Variants in HNRNPK observed in about 807,000 individuals in gnomAD.
The protein encoded by HNRNPK is dC-stretch binding protein.
HNRNPK carries 7 observed loss-of-function variants against 67.0 expected under a neutral mutation model. The observed-to-expected ratio is 0.10, with a 90% CI of 0.06 to 0.20. HNRNPK has a LOEUF of 0.20. Among genes scored for constraint, HNRNPK ranks in the 10% least tolerant of loss-of-function variants. The pLI is 1.00. For synonymous variants in HNRNPK, 213 were observed against 193.7 expected (o/e 1.10, Z -0.83); for missense variants, 264 against 606.5 (o/e 0.44, Z 5.93).
intron 8 of HNRNPK, 88 bp from the exon 9 acceptor site, chr9:83,973,487 T>C: frequency 2.6e-6 from 2 of 779,486 alleles, no homozygotes; most frequent in Non-Finnish European, 4.5e-6. Flanking sequence ...AATAATATAC[T>C]GTTGCAGTGA....
rs375311945 is a variant in HNRNPK at position 83,971,957 on chromosome 9, G to A, written c.878C>T (p.Pro293Leu). ...ACCACCCCGGCCGCCTCGTCCGGGA[G>A]GAGGGGGAGGTGGTCCTCGACGAGG... Reference protein sequence around the residue: ...MSPRRGPPPPPPGRGGRGGSR... With the variant: ...MSPRRGPPPPLPGRGGRGGSR... The change falls in exon 11 of 17, where the codon CCT becomes CTT. Residue 293 changes from proline (P) to leucine (L), a missense_variant. Coordinates refer to ENST00000376263, the MANE Select transcript of HNRNPK (RefSeq NM_031263.4). 1 of 1,602,774 alleles carries A rather than the reference G, an allele frequency of 6.2e-7. No homozygotes were observed. Among genetic ancestry groups the A allele is most frequent in the Non-Finnish European group, 8.5e-7 (1 of 1,171,628 alleles).
At chr9:83,977,831 C>A in intron 3 of HNRNPK, 45 bp from the exon 4 acceptor site, 1 of 1,162,432 alleles carries the variant, frequency 8.6e-7, no homozygotes, top group Non-Finnish European at 1.3e-6. Flanking sequence ...GCGAAGTCTC[C>A]AAAGTAACTC....
At chr9:83,979,220 G>A (rs1017775893) in intron 1 of HNRNPK, among the ~76,000 whole-genome samples, 6 of 152,188 alleles carry the variant, frequency 3.9e-5, no homozygotes, top group Non-Finnish European at 8.8e-5. Context: ...AGGTTGGCTA[G>A]ACAGCAAAGA....
chr9:83,970,515 T>TA, intron 15 of HNRNPK, 184 bp from the exon 16 acceptor site: 1 of 650,600 alleles, frequency 1.5e-6, no homozygotes. Context: ...ATGTTTCCCT[T>TA]AGTTAGTTAA....
chr9:83,977,677 T>TAA lies in HNRNPK; in HGVS notation c.156+10_156+11dup. The TAA allele has an allele frequency of 2.0e-6, 3 of 1,533,342 alleles. No homozygotes were observed. Among genetic ancestry groups the TAA allele is most frequent in the Non-Finnish European group, 2.7e-6 (3 of 1,115,316 alleles). The allele number at this position is 1,533,342 out of a possible 1,614,324, so 95.0% of individuals were successfully genotyped here. On this transcript the variant is annotated intron_variant, in intron 4 of 16. Transcript: ENST00000376263. ...TGAACCACCTTCAAATTTTCAAGAA[T>TAA]AAAATTTATACCTTGCTCTGAAGCA...
chr9:83,971,447 C>G, intron 12 of HNRNPK, 91 bp from the exon 13 acceptor site: 1 of 945,428 alleles, frequency 1.1e-6, no homozygotes, highest in Non-Finnish European at 1.7e-6. Flanking sequence ...TACATTAAAA[C>G]AAAAGAGGGT....
chr9:83,978,481 C>T, intron 1 of HNRNPK, 29 bp from the exon 2 acceptor site: 1 of 773,480 alleles, frequency 1.3e-6, no homozygotes, highest in Non-Finnish European at 1.8e-6. Context: ...ATCAGTTTTG[C>T]TTTTGTTTAT....
rs7884 is a variant in HNRNPK, at chr9:83,968,615, G to A, written c.*792C>T. 1 of 152,404 alleles carries A rather than the reference G, an allele frequency of 6.6e-6. No homozygotes were observed. The highest frequency in any genetic ancestry group is 1.5e-5 in the Non-Finnish European group (1 of 68,024). The allele number at this position is 152,404 out of a possible 1,614,324, so 9.4% of individuals were successfully genotyped here. A position where few individuals can be genotyped will look rare whatever the true frequency, so the allele number is the denominator to read the frequency against. ...ACCTTAGTTCTTCACAACTAACATA[G>A]AAAATTGTTGAAAAGTAGGGGCAAG... On this transcript the variant is annotated 3_prime_UTR_variant, in exon 17 of 17. Transcript: ENST00000376263.
upstream of HNRNPK, chr9:83,980,334 AG>A (rs1335125016): frequency 6.6e-6 from 1 of 152,288 alleles, no homozygotes; most frequent in Non-Finnish European, 1.5e-5. Context: ...ACGTCAATCA[AG>A]GCGACGGAGG....
chr9:83,970,481 A>G (rs1171605657), intron 15 of HNRNPK, 150 bp from the exon 16 acceptor site: 2 of 690,242 alleles, frequency 2.9e-6, no homozygotes, highest in East Asian at 5.4e-5. Flanking sequence ...TTTGAGTTAT[A>G]ATGTATTTAT....
chr9:83,973,122 T>C, intron 9 of HNRNPK, 150 bp from the exon 10 acceptor site: 1 of 772,880 alleles, frequency 1.3e-6, no homozygotes, highest in Non-Finnish European at 2.1e-6. Flanking sequence ...GGTATAAAAA[T>C]TTTGACAAAA....
chr9:83,976,845 A>C, intron 5 of HNRNPK, 150 bp downstream of exon 5: 1 of 520,238 alleles, frequency 1.9e-6, no homozygotes, highest in East Asian at 3.1e-5. Context: ...ACAGGAATGG[A>C]TAACTTCGAA....
chr9:83,975,692 G>A, intron 5 of HNRNPK, 187 bp from the exon 6 acceptor site: 1 of 655,566 alleles, frequency 1.5e-6, no homozygotes, highest in Non-Finnish European at 2.8e-6. Flanking sequence ...AGTCGATCCA[G>A]TACATGGGCA....
At position 83,974,579 on chromosome 9, in the gene HNRNPK, T is replaced by C. The variant is rs1028904236; in HGVS notation, c.268A>G (p.Ile90Val). 6.2e-7 allele frequency: 1 copy of C among 1,603,204 alleles called. No individual in the cohort carries two copies. Among genetic ancestry groups the C allele is most frequent in the Admixed American group, 1.7e-5 (1 of 59,920 alleles). Reference protein sequence around the residue: ...DSSGPERILSISADIETIGEI... With the variant: ...DSSGPERILSVSADIETIGEI... Reference sequence around the variant, plus strand: ...CCAATTGTTTCAATATCAGCACTGATACTCAATATGCTGTCAAACACCACA... The same window carrying C: ...CCAATTGTTTCAATATCAGCACTGACACTCAATATGCTGTCAAACACCACA... The change falls in exon 7 of 17, where the codon ATC becomes GTC. Residue 90 changes from isoleucine to valine, a missense_variant. Physicochemically the swap from Ile to Val is conservative, Grantham distance 29 (BLOSUM62 3). Transcript: ENST00000376263.
At position 83,970,919 on chromosome 9, in the gene HNRNPK, A is replaced by T. The variant is rs1956801746; in HGVS notation, c.1093-7T>A. ...TACCATATCCGGAGCCACCCTAAAA[A>T]CAGAAAGAAAAAAATAGAAAATTAC... is the stretch of plus-strand genomic sequence containing the variant. On this transcript the variant is annotated splice_region_variant and splice_polypyrimidine_tract_variant and intron_variant, in intron 13 of 16. Coordinates refer to ENST00000376263, the MANE Select transcript of HNRNPK (RefSeq NM_031263.4). 1 of 1,612,024 alleles carries T rather than the reference A, an allele frequency of 6.2e-7. No individual in the cohort carries two copies. The highest frequency in any genetic ancestry group is 1.7e-5 in the Admixed American group (1 of 59,950).
intron 15 of HNRNPK, 178 bp from the exon 16 acceptor site, chr9:83,970,509 T>C (rs1227319872): frequency 3.1e-6 from 2 of 647,966 alleles, no homozygotes; most frequent in Admixed American, 3.0e-5. Context: ...TTACTAATGT[T>C]TCCCTTAGTT....
chr9:83,972,230 A>G lies in HNRNPK; in HGVS notation c.646-41T>C, dbSNP rs771379944. ...GAACAAACTTACAGACTGAAGAAAA[A>G]GAGTCCTGCTTCATACCAATCCTTC... is the stretch of plus-strand genomic sequence containing the variant. On this transcript the variant is annotated intron_variant, in intron 10 of 16. Coordinates refer to ENST00000376263, the MANE Select transcript of HNRNPK (RefSeq NM_031263.4). 26 of 1,440,968 alleles carry G rather than the reference A, an allele frequency of 1.8e-5. No homozygotes were observed. In the African/African-American group the frequency reaches 3.1e-4, roughly 17 times the overall value. The allele number at this position is 1,440,968 out of a possible 1,614,324, so 89.3% of individuals were successfully genotyped here. A position where few individuals can be genotyped will look rare whatever the true frequency, so the allele number is the denominator to read the frequency against.
At chr9:83,970,071 T>C (rs1956757625) in intron 16 of HNRNPK, 91 bp downstream of exon 16, 2 of 1,062,496 alleles carry the variant, frequency 1.9e-6, no homozygotes, top group Non-Finnish European at 2.7e-6. Context: ...TGAGACACCA[T>C]GGCTTCTAAA....
chr9:83,977,839 C>T, intron 3 of HNRNPK, 53 bp from the exon 4 acceptor site: 1 of 1,114,964 alleles, frequency 9.0e-7, no homozygotes, highest in Non-Finnish European at 1.4e-6. Context: ...TCCAAAGTAA[C>T]TCCATTCTGT....
Sources: allele counts gnomAD v4.1 joint callset (sites outside exome capture counted in the v4.1 genomes callset), GRCh38; gene constraint gnomAD v4.1.1; transcripts MANE v1.5; gene names NCBI Gene and HGNC (gene_info 2026-07-23, HGNC 2026-07-21).